KAT6A: variants seen among roughly 807,000 people sequenced by gnomAD.
KAT6A encodes histone acetyltransferase KAT6A.
Under a neutral mutation model 198.4 loss-of-function variants are expected in KAT6A, and 9 were observed. That is an observed-to-expected ratio of 0.05 (90% CI 0.03 to 0.08). KAT6A has a LOEUF of 0.08. KAT6A is among the 10% of genes least tolerant of loss of function. The pLI is 1.00. For synonymous variants in KAT6A, 890 were observed against 883.0 expected, an observed-to-expected ratio of 1.01 and a Z score of -0.14; for missense variants, 2,077 against 2,509.9, an observed-to-expected ratio of 0.83 and a Z score of 3.69.
chr8:42,039,259 TA>T (rs1441665259), intron 2 of KAT6A, among the ~76,000 whole-genome samples: 24 of 152,224 alleles, frequency 1.6e-4, no homozygotes, highest in Non-Finnish European at 8.8e-5. Context: ...GTGAAGCTCT[TA>T]ATAATTCCTA....
At chr8:41,989,177 A>G (rs1184029684) in intron 2 of KAT6A, among the ~76,000 whole-genome samples, 1 of 152,160 alleles carries the variant, frequency 6.6e-6, no homozygotes. Flanking sequence ...AGGTTTGGGA[A>G]GGGAAGGTGA....
chr8:42,034,633 G>A (rs1827281977), intron 2 of KAT6A, among the ~76,000 whole-genome samples: 1 of 152,106 alleles, frequency 6.6e-6, no homozygotes, highest in African/African-American at 2.4e-5. Context: ...GCAGCTACTA[G>A]CCACATGTGG....
In KAT6A at chr8:42,016,066, G is replaced by A. The variant is rs532856960; in HGVS notation, c.601-28503C>T. Among the ~76,000 whole-genome samples, 6 of 152,316 alleles carry A rather than the reference G, an allele frequency of 3.9e-5. No individual in the cohort carries two copies. The East Asian group carries it at 1.2e-3, about 29-fold the overall frequency. On this transcript the variant is annotated intron_variant, in intron 2 of 16. Transcript: ENST00000265713. ...CCCCAGAAACTGCACGTTAACAGCAGTGCTTCCCAAACAGGTCTTAAGGGA... is the reference window on the plus strand; with the variant it reads ...CCCCAGAAACTGCACGTTAACAGCAATGCTTCCCAAACAGGTCTTAAGGGA...
intron 2 of KAT6A, among the ~76,000 whole-genome samples, chr8:42,045,123 A>C (rs1390980437): frequency 6.6e-6 from 1 of 152,160 alleles, no homozygotes; most frequent in Non-Finnish European, 1.5e-5. Flanking sequence ...TGAAAATAAG[A>C]CTCCATTTAA....
intron 5 of KAT6A, among the ~76,000 whole-genome samples, chr8:41,980,238 T>A (rs549173392): frequency 6.6e-6 from 1 of 152,082 alleles, no homozygotes; most frequent in South Asian, 2.1e-4. Flanking sequence ...AGTCCAACCA[T>A]GAGGCAACTA....
chr8:41,957,443 C>A, intron 8 of KAT6A: 2 of 357,018 alleles, frequency 5.6e-6, no homozygotes, highest in South Asian at 4.4e-5. Flanking sequence ...ATCTGAACTA[C>A]AAGGTTACCT....
At chr8:41,977,580 A>C in intron 6 of KAT6A, 1 of 369,064 alleles carries the variant, frequency 2.7e-6, no homozygotes, top group Non-Finnish European at 4.9e-6. Flanking sequence ...TTCTAGTCAT[A>C]ATTCTCTCTT....
intron 2 of KAT6A, among the ~76,000 whole-genome samples, chr8:42,026,001 C>G (rs1286303237): frequency 6.6e-6 from 1 of 152,194 alleles, no homozygotes; most frequent in African/African-American, 2.4e-5. Context: ...TTATGGACAT[C>G]CAGCTTTCCC....
chr8:41,955,181 C>T (rs116811647), intron 9 of KAT6A, 115 bp downstream of exon 9: 2 of 685,624 alleles, frequency 2.9e-6, no homozygotes, highest in Non-Finnish European at 5.1e-6. Context: ...ATTTAAAAGC[C>T]CCCAGTTTCC....
At chr8:41,978,891 A>T in intron 5 of KAT6A, 114 bp from the exon 6 acceptor site, 1 of 860,522 alleles carries the variant, frequency 1.2e-6, no homozygotes, top group Non-Finnish European at 1.8e-6. Context: ...TGTCATTAGA[A>T]AATCTGATGA....
rs1824089226 is a variant in KAT6A, at chr8:41,977,051, T to C, written c.1320A>G (p.Arg440=). Reference sequence around the variant, plus strand: ...TGCTTGATTTCCTGTTGCCCCTCTTTCTGATTCGATATTGCTCAGAGTAGT... The same window carrying C: ...TGCTTGATTTCCTGTTGCCCCTCTTCCTGATTCGATATTGCTCAGAGTAGT... ...VVDYSEQYRI[R]KRGNRKSSTS... Residue 440 remains arginine (R), a synonymous_variant, in exon 7 of 17, where the codon AGA becomes AGG. Transcript: ENST00000265713. The C allele has an allele frequency of 6.2e-7, 1 of 1,612,618 alleles. No homozygotes were observed. The highest frequency in any genetic ancestry group is 1.3e-5 in the African/African-American group (1 of 74,976).
intron 11 of KAT6A, 102 bp downstream of exon 11, chr8:41,947,649 C>A: frequency 2.2e-6 from 2 of 899,914 alleles, no homozygotes; most frequent in Admixed American, 2.8e-5. Context: ...CTAGATGACA[C>A]CTAGGAGGTG....
At chr8:41,989,423 C>T (rs1203720785) in intron 2 of KAT6A, among the ~76,000 whole-genome samples, 6 of 151,984 alleles carry the variant, frequency 3.9e-5, no homozygotes, top group African/African-American at 1.5e-4. Context: ...GCAGAAGAAT[C>T]GCTTGAACCC....
chr8:42,040,324 C>T (rs1253385143), intron 2 of KAT6A, among the ~76,000 whole-genome samples: 1 of 152,014 alleles, frequency 6.6e-6, no homozygotes, highest in Non-Finnish European at 1.5e-5. Context: ...TTCCTGAAGC[C>T]ATTTGTGGTA....
At chr8:41,983,038 A>G (rs974766838) in intron 3 of KAT6A, among the ~76,000 whole-genome samples, 1 of 152,206 alleles carries the variant, frequency 6.6e-6, no homozygotes, top group Admixed American at 6.5e-5. Context: ...AAGGCATGCA[A>G]GCTAAAACTA....
intron 2 of KAT6A, among the ~76,000 whole-genome samples, chr8:42,045,301 C>T (rs907617210): frequency 1.3e-5 from 2 of 152,184 alleles, no homozygotes; most frequent in African/African-American, 2.4e-5. Flanking sequence ...TGGCTCATGC[C>T]TGTAATGCCA....
chr8:42,011,103 G>T (rs562444813), intron 2 of KAT6A, among the ~76,000 whole-genome samples: 1 of 151,988 alleles, frequency 6.6e-6, no homozygotes, highest in Non-Finnish European at 1.5e-5. Context: ...CTAACAAATC[G>T]CCCTTTTTAC....
In KAT6A at chr8:42,049,034, G is replaced by A; in HGVS notation, c.-57C>T. The A allele has an allele frequency of 6.6e-7, 1 of 1,518,008 alleles. No individual in the cohort carries two copies. The highest frequency in any genetic ancestry group is 8.8e-7 in the Non-Finnish European group (1 of 1,132,334). 94.0% of individuals were successfully genotyped at this position (1,518,008 alleles called of 1,614,324 possible). A position where few individuals can be genotyped will look rare whatever the true frequency, so the allele number is the denominator to read the frequency against. The stretch of plus-strand genomic sequence containing the variant: ...TATCCCTTATCCTGATGCTGAGTAA[G>A]TTTTACACCATGGAAAACAAGATTC... On this transcript the variant is annotated 5_prime_UTR_variant, in exon 2 of 17. Transcript: ENST00000265713.
At chr8:41,965,922 T>C (rs1823460976) in intron 8 of KAT6A, among the ~76,000 whole-genome samples, 1 of 152,178 alleles carries the variant, frequency 6.6e-6, no homozygotes. Flanking sequence ...ATTTACCCAT[T>C]AAATATAAGT....
Sources: allele counts gnomAD v4.1 joint callset (sites outside exome capture counted in the v4.1 genomes callset), GRCh38; gene constraint gnomAD v4.1.1; transcripts MANE v1.5; gene names NCBI Gene and HGNC (gene_info 2026-07-23, HGNC 2026-07-21).